Variants in UBL3 observed in about 807,000 individuals in gnomAD.
UBL3 encodes the protein ubiquitin-like protein 3.
UBL3 carries 6 observed loss-of-function variants against 18.4 expected under a neutral mutation model. The ratio of observed to expected loss-of-function variants is 0.33; its 90% confidence interval spans 0.18 to 0.64. The LOEUF (loss-of-function observed/expected upper bound fraction) is 0.64. Ranked by LOEUF, UBL3 falls within the 30% of genes least tolerant of loss-of-function variation. The pLI is 0.76. For synonymous variants in UBL3, 49 were observed against 46.6 expected (o/e 1.05, Z -0.21); for missense variants, 109 against 142.9 (o/e 0.76, Z 1.21).
rs1876682036 is a variant in UBL3 at position 29,766,394 on chromosome 13, A to T, written c.*861T>A. The T allele has an allele frequency of 6.6e-6, 1 of 152,588 alleles. No individual in the cohort carries two copies. Among genetic ancestry groups the T allele is most frequent in the South Asian group, 2.1e-4 (1 of 4,832 alleles). 9.5% of individuals were successfully genotyped at this position (152,588 alleles called of 1,614,324 possible). A position where few individuals can be genotyped will look rare whatever the true frequency, so the allele number is the denominator to read the frequency against. On this transcript the variant is annotated 3_prime_UTR_variant, in exon 5 of 5. Transcript: ENST00000380680. ...ATTAATGATAATTATGGAAAATTTC[A>T]ATTTGCTGATATTCAAATACATAAA...
chr13:29,820,930 T>G (rs766323216), intron 1 of UBL3, among the ~76,000 whole-genome samples: 1 of 152,228 alleles, frequency 6.6e-6, no homozygotes, highest in African/African-American at 2.4e-5. Flanking sequence ...GACTGTCACA[T>G]GATAGGCTCT....
chr13:29,777,267 A>C lies in UBL3; in HGVS notation c.28-4T>G. The C allele has an allele frequency of 6.2e-7, 1 of 1,600,390 alleles. No homozygotes were observed. Among genetic ancestry groups the C allele is most frequent in the Non-Finnish European group, 8.5e-7 (1 of 1,173,692 alleles). On this transcript the variant is annotated splice_polypyrimidine_tract_variant and splice_region_variant and intron_variant, in intron 1 of 4. Transcript: ENST00000380680. ...CCAAAATGAGGCGCAAATTTATCTG[A>C]AAGAAGACAATGATTCTTTTAACAT...
chr13:29,831,253 G>A (rs1366334188), intron 1 of UBL3, among the ~76,000 whole-genome samples: 2 of 152,066 alleles, frequency 1.3e-5, no homozygotes, highest in Non-Finnish European at 2.9e-5. Context: ...GTTAAGGAGA[G>A]GTAAAATGAC....
intron 1 of UBL3, among the ~76,000 whole-genome samples, chr13:29,798,036 T>A (rs557256534): frequency 1.2e-3 from 186 of 152,042 alleles, no homozygotes; most frequent in Non-Finnish European, 1.9e-3. Context: ...ATATATTTTT[T>A]TTTTGGAGAC....
In UBL3 at chr13:29,808,643, T is replaced by G. The variant is rs150683988; in HGVS notation, c.28-31380A>C. 2.0e-5 allele frequency among the ~76,000 whole-genome samples: 3 copies of G among 152,254 alleles called. No individual in the cohort carries two copies. The East Asian group carries it at 5.8e-4, about 29-fold the overall frequency. ...GGATACCCACACCACCCTCATTGTC[T>G]CATTTTGCAAATGACTTACCTCCCA... is the stretch of plus-strand genomic sequence containing the variant. On this transcript the variant is annotated intron_variant, in intron 1 of 4. Coordinates refer to ENST00000380680, the MANE Select transcript of UBL3 (RefSeq NM_007106.4).
At chr13:29,843,934 A>T (rs957545746) in intron 1 of UBL3, among the ~76,000 whole-genome samples, 1 of 152,264 alleles carries the variant, frequency 6.6e-6, no homozygotes, top group African/African-American at 2.4e-5. Flanking sequence ...TAAGAACAGC[A>T]TATAGAATAC....
At chr13:29,836,548 G>A (rs1593676066) in intron 1 of UBL3, among the ~76,000 whole-genome samples, 2 of 151,946 alleles carry the variant, frequency 1.3e-5, no homozygotes, top group East Asian at 1.9e-4. Context: ...AGGACTTGAG[G>A]AGCCAAGATC....
chr13:29,775,586 G>A (rs186798205), intron 2 of UBL3, among the ~76,000 whole-genome samples: 6 of 152,166 alleles, frequency 3.9e-5, no homozygotes, highest in African/African-American at 1.4e-4. Flanking sequence ...GAAGTTCAAA[G>A]GAAGAAAATA....
At chr13:29,767,418 G>T in intron 4 of UBL3, 111 bp from the exon 5 acceptor site, 1 of 1,364,466 alleles carries the variant, frequency 7.3e-7, no homozygotes. Context: ...AAAAATGTTT[G>T]CATTTTTCAA....
At chr13:29,797,221 T>G (rs1877636205) in intron 1 of UBL3, among the ~76,000 whole-genome samples, 1 of 152,208 alleles carries the variant, frequency 6.6e-6, no homozygotes, top group Admixed American at 6.5e-5. Flanking sequence ...TGTACATTTC[T>G]TCAGGTCAGA....
At chr13:29,769,434 T>C (rs1487264703) in intron 3 of UBL3, among the ~76,000 whole-genome samples, 2 of 152,088 alleles carry the variant, frequency 1.3e-5, no homozygotes, top group African/African-American at 4.8e-5. Context: ...TGTGGATGCT[T>C]CTGCTCTCTC....
chr13:29,844,014 C>A (rs975682203), intron 1 of UBL3, among the ~76,000 whole-genome samples: 1 of 152,192 alleles, frequency 6.6e-6, no homozygotes, highest in African/African-American at 2.4e-5. Flanking sequence ...TGACAGCAAA[C>A]CTCTGTTCCC....
In UBL3 at chr13:29,767,706, A is replaced by G. The variant is rs374281121; in HGVS notation, c.224-11T>C. ...AAGGAAGTTTTAATGCTATGTGAAA[A>G]GCAAAAGATGATTAGTTACACATAT... On this transcript the variant is annotated splice_polypyrimidine_tract_variant and intron_variant, in intron 3 of 4. Coordinates refer to ENST00000380680, the MANE Select transcript of UBL3 (RefSeq NM_007106.4). The G allele has an allele frequency of 8.1e-6, 13 of 1,610,816 alleles. No individual in the cohort carries two copies. The African/African-American group carries it at 1.3e-4, about 17-fold the overall frequency.
At chr13:29,803,224 A>C (rs1271087364) in intron 1 of UBL3, among the ~76,000 whole-genome samples, 1 of 152,212 alleles carries the variant, frequency 6.6e-6, no homozygotes. Flanking sequence ...TGAATTTGTC[A>C]CCACCAGACC....
rs2139301419 is a variant in UBL3 at position 29,764,622 on chromosome 13, G to C, written c.*2633C>G. The C allele has an allele frequency of 6.6e-6, 1 of 152,312 alleles. No individual in the cohort carries two copies. Among genetic ancestry groups the C allele is most frequent in the Middle Eastern group, 3.4e-3 (1 of 294 alleles). The allele number at this position is 152,312 out of a possible 1,614,324, so 9.4% of individuals were successfully genotyped here. On this transcript the variant is annotated 3_prime_UTR_variant, in exon 5 of 5. Coordinates refer to ENST00000380680, the MANE Select transcript of UBL3 (RefSeq NM_007106.4). Reference sequence around the variant, plus strand: ...TCTTGAAGAGAAAGCAAATAGTTCAGATCAGGGAGACATGCTGAGGTTTTA... The same window carrying C: ...TCTTGAAGAGAAAGCAAATAGTTCACATCAGGGAGACATGCTGAGGTTTTA...
In UBL3 at chr13:29,767,119, G is replaced by A; in HGVS notation, c.*136C>T. ...TTTACTTTCATGAGAAAAGATGACAGTGTTCATGTGGTAATTCAGTTCCAT... is the reference window on the plus strand; with the variant it reads ...TTTACTTTCATGAGAAAAGATGACAATGTTCATGTGGTAATTCAGTTCCAT... On this transcript the variant is annotated 3_prime_UTR_variant, in exon 5 of 5. Coordinates refer to ENST00000380680, the MANE Select transcript of UBL3 (RefSeq NM_007106.4). 1.4e-6 allele frequency: 1 copy of A among 712,634 alleles called. No individual in the cohort carries two copies. Among genetic ancestry groups the A allele is most frequent in the Non-Finnish European group, 2.2e-6 (1 of 446,232 alleles). The allele number at this position is 712,634 out of a possible 1,614,324, so 44.1% of individuals were successfully genotyped here. A position where few individuals can be genotyped will look rare whatever the true frequency, so the allele number is the denominator to read the frequency against.
At chr13:29,821,697 T>C (rs148877834) in intron 1 of UBL3, among the ~76,000 whole-genome samples, 22 of 152,304 alleles carry the variant, frequency 1.4e-4, no homozygotes, top group African/African-American at 4.8e-4. Flanking sequence ...CCAATAAAAA[T>C]CTTTTATTTG....
intron 1 of UBL3, among the ~76,000 whole-genome samples, chr13:29,809,649 T>C (rs941028847): frequency 1.3e-5 from 2 of 152,108 alleles, no homozygotes; most frequent in Non-Finnish European, 2.9e-5. Flanking sequence ...AAGAGTTTAG[T>C]TGAGATGACA....
At chr13:29,815,157 T>C (rs1434943949) in intron 1 of UBL3, among the ~76,000 whole-genome samples, 3 of 152,140 alleles carry the variant, frequency 2.0e-5, no homozygotes, top group African/African-American at 7.2e-5. Context: ...CAGTGTGTAC[T>C]ACAACAGAAA....
Sources: allele counts gnomAD v4.1 joint callset (sites outside exome capture counted in the v4.1 genomes callset), GRCh38; gene constraint gnomAD v4.1.1; transcripts MANE v1.5; gene names NCBI Gene and HGNC (gene_info 2026-07-23, HGNC 2026-07-21).